FRMPD4: variants seen among roughly 807,000 people sequenced by gnomAD.
FRMPD4 encodes the protein FERM and PDZ domain-containing protein 4.
In FRMPD4, 22 loss-of-function variants were observed where a neutral mutation model predicts 94.1. The ratio of observed to expected loss-of-function variants is 0.23; its 90% CI spans 0.17 to 0.33. The LOEUF is 0.33. Among genes scored for constraint, FRMPD4 ranks in the 10% least tolerant of loss-of-function variants. FRMPD4 has a pLI of 1.00. For synonymous variants in FRMPD4, 631 were observed against 548.6 expected, an observed-to-expected ratio of 1.15 and a Z score of -2.10; for missense variants, 1,111 against 1,339.9, an observed-to-expected ratio of 0.83 and a Z score of 2.67.
chrX:12,374,460 A>G (rs923285465), intron 1 of FRMPD4, among the ~76,000 whole-genome samples: 1 of 112,090 alleles, frequency 8.9e-6, no homozygotes, highest in African/African-American at 3.2e-5. Flanking sequence ...GGCCAGCTCT[A>G]CTTGTTTCTC....
chrX:12,019,205 G>A lies in FRMPD4; in HGVS notation c.95+141187G>A, dbSNP rs1480577362. 3.8e-5 allele frequency among the ~76,000 whole-genome samples: 4 copies of A among 106,160 alleles called. No homozygotes were observed. In the Admixed American group the frequency reaches 4.0e-4, roughly 11 times the overall value. The allele number at this position is 106,160 out of a possible 115,157, so 92.2% of individuals were successfully genotyped here. Reference sequence around the variant, plus strand: ...TTTGGATAACAGAATGGCAGATAATGAGTTTGGGGCCAATATCAAATACTG... The same window carrying A: ...TTTGGATAACAGAATGGCAGATAATAAGTTTGGGGCCAATATCAAATACTG... On this transcript the variant is annotated intron_variant, in intron 3 of 18. Coordinates refer to the FRMPD4 transcript ENST00000640291.
At chrX:11,972,218 G>C (rs1020267403) in intron 3 of FRMPD4, among the ~76,000 whole-genome samples, 11 of 111,686 alleles carry the variant, frequency 9.8e-5, no homozygotes, top group African/African-American at 3.6e-4. Context: ...CGTGATTCAC[G>C]TATGAGTTTC....
chrX:12,563,663 A>G (rs1445033592), intron 2 of FRMPD4, among the ~76,000 whole-genome samples: 2 of 111,854 alleles, frequency 1.8e-5, no homozygotes, highest in East Asian at 5.6e-4. Context: ...GAAACGTGAA[A>G]ATATTCATGA....
At chrX:12,305,989 T>G (rs751239378) in intron 1 of FRMPD4, among the ~76,000 whole-genome samples, 4 of 107,157 alleles carry the variant, frequency 3.7e-5, no homozygotes, top group Non-Finnish European at 1.9e-5. Flanking sequence ...AGATGCAAAC[T>G]TAAGACCCTA....
intron 1 of FRMPD4, among the ~76,000 whole-genome samples, chrX:12,301,883 C>G (rs964447688): frequency 1.8e-5 from 2 of 111,809 alleles, no homozygotes; most frequent in African/African-American, 6.5e-5. Flanking sequence ...CAATGAGTCA[C>G]CTTCATCATG....
At chrX:12,167,402 A>G (rs928252594) in intron 1 of FRMPD4, among the ~76,000 whole-genome samples, 5 of 111,595 alleles carry the variant, frequency 4.5e-5, no homozygotes, top group Non-Finnish European at 9.4e-5. Flanking sequence ...GTTTGATTGC[A>G]CTGTGGTCTG....
chrX:11,980,934 A>G (rs1446193434), intron 3 of FRMPD4, among the ~76,000 whole-genome samples: 1 of 111,445 alleles, frequency 9.0e-6, no homozygotes, highest in African/African-American at 3.3e-5. Context: ...TCAGCAAACT[A>G]CCGCCCCTGG....
chrX:12,479,385 T>TATATATACACATATATACAC (rs1555971390), intron 1 of FRMPD4, among the ~76,000 whole-genome samples: 2 of 84,576 alleles, frequency 2.4e-5, no homozygotes, highest in Admixed American at 2.9e-4. Context: ...TATATACACA[T>TATATATACACATATATACAC]ATATATATAC....
In FRMPD4 at chrX:12,194,720, A is replaced by G. The variant is rs991568247; in HGVS notation, c.41+55708A>G. Among the ~76,000 whole-genome samples the G allele has an allele frequency of 1.2e-4, 14 of 112,269 alleles. No homozygotes were observed. In the East Asian group the frequency reaches 3.6e-3, roughly 29 times the overall value. On this transcript the variant is annotated intron_variant, in intron 1 of 16. Transcript: ENST00000675598. ...AATCTGCAAAGCAAAAAATGCTAACAACAACAAAGGCATGCTGAAAAGCCT... is the reference window on the plus strand; with the variant it reads ...AATCTGCAAAGCAAAAAATGCTAACGACAACAAAGGCATGCTGAAAAGCCT...
intron 1 of FRMPD4, among the ~76,000 whole-genome samples, chrX:12,466,033 T>C (rs867580032): frequency 3.6e-5 from 4 of 111,501 alleles, no homozygotes; most frequent in African/African-American, 1.3e-4. Context: ...CTACCAGGCT[T>C]TGGGTATCTA....
chrX:12,293,709 G>C (rs2054725086), intron 1 of FRMPD4, among the ~76,000 whole-genome samples: 2 of 111,947 alleles, frequency 1.8e-5, no homozygotes, highest in East Asian at 5.6e-4. Context: ...TATTAATTGT[G>C]GTATGAATTA....
intron 3 of FRMPD4, among the ~76,000 whole-genome samples, chrX:11,934,407 G>A (rs57639370): frequency 0.25 from 28,131 of 110,910 alleles, 3,146 homozygotes; most frequent in East Asian, 0.62. Flanking sequence ...GAGAAATGGA[G>A]AGCATCTCCC....
At chrX:12,209,261 T>C (rs2056729463) in intron 1 of FRMPD4, among the ~76,000 whole-genome samples, 1 of 112,329 alleles carries the variant, frequency 8.9e-6, no homozygotes, top group Non-Finnish European at 1.9e-5. Flanking sequence ...CCCTACATTT[T>C]TGTATTTCAT....
At chrX:12,315,074 A>G (rs1038197902) in intron 1 of FRMPD4, among the ~76,000 whole-genome samples, 2 of 111,950 alleles carry the variant, frequency 1.8e-5, no homozygotes, top group Non-Finnish European at 3.8e-5. Context: ...TTTGCATGTC[A>G]TATTTATTAG....
intron 1 of FRMPD4, among the ~76,000 whole-genome samples, chrX:12,296,654 G>C (rs771298413): frequency 1.2e-4 from 14 of 112,206 alleles, no homozygotes; most frequent in Admixed American, 4.7e-4. Context: ...TTCACAGCAG[G>C]TTGGACTTGC....
intron 1 of FRMPD4, among the ~76,000 whole-genome samples, chrX:12,309,544 C>G (rs1000936015): frequency 9.0e-6 from 1 of 111,702 alleles, no homozygotes; most frequent in Non-Finnish European, 1.9e-5. Flanking sequence ...AAGCTGCATA[C>G]ACAGTGATGC....
intron 2 of FRMPD4, among the ~76,000 whole-genome samples, chrX:12,518,283 G>A (rs2058124783): frequency 8.9e-6 from 1 of 111,940 alleles, no homozygotes; most frequent in Non-Finnish European, 1.9e-5. Context: ...CTATGTGCTT[G>A]GGACCCAAGG....
At chrX:12,504,383 C>A (rs746837270) in intron 2 of FRMPD4, among the ~76,000 whole-genome samples, 2 of 112,663 alleles carry the variant, frequency 1.8e-5, no homozygotes, top group Non-Finnish European at 3.8e-5. Context: ...CAAATACTTG[C>A]CTCATGGCAA....
chrX:12,576,154 C>T (rs1202301997), intron 2 of FRMPD4, among the ~76,000 whole-genome samples: 1 of 111,954 alleles, frequency 8.9e-6, no homozygotes, highest in Non-Finnish European at 1.9e-5. Context: ...GACTTCTGAT[C>T]GCCAAAGCTC....
Sources: gnomAD v4.1 joint callset for allele counts (sites outside exome capture counted in the v4.1 genomes callset) on GRCh38, gnomAD v4.1.1 for gene constraint, MANE v1.5 for transcripts, NCBI Gene and HGNC (gene_info 2026-07-23, HGNC 2026-07-21) for gene names.